Variants in OR2V1 observed in about 807,000 individuals in gnomAD.
The protein encoded by OR2V1 is olfactory receptor 2V1.
A neutral mutation model predicts 15.0 loss-of-function variants in OR2V1; 18 were observed. That is an observed-to-expected ratio of 1.20 (90% CI 0.83 to 1.78). The LOEUF is 1.78. Ranked by LOEUF, OR2V1 falls within the 40% of genes most tolerant of loss-of-function variation. The pLI, the probability that OR2V1 is intolerant of heterozygous loss-of-function variation, is 0.00. For synonymous variants in OR2V1, 144 were observed against 146.1 expected, an observed-to-expected ratio of 0.99 and a Z score of 0.10; for missense variants, 359 against 392.9, an observed-to-expected ratio of 0.91 and a Z score of 0.73.
In OR2V1 at chr5:181,124,628, A is replaced by G. The variant is rs1762847314; in HGVS notation, c.677T>C (p.Val226Ala). 6.2e-7 allele frequency: 1 copy of G among 1,613,874 alleles called. No homozygotes were observed. Among genetic ancestry groups the G allele is most frequent in the Non-Finnish European group, 8.5e-7 (1 of 1,179,966 alleles). ...MASYACILGA[V>A]LRIRSAQAWK... ...GGCCTGAGCAGAGCGTATTCGGAGCACAGCCCCTAGGATGCAAGCATAGGA... is the reference window on the plus strand; with the variant it reads ...GGCCTGAGCAGAGCGTATTCGGAGCGCAGCCCCTAGGATGCAAGCATAGGA... Residue 226 changes from valine to alanine, a missense_variant, in exon 4 of 4, where the codon GTG (valine) becomes GCG (alanine). Val to Ala is a moderately conservative substitution (Grantham distance 64). Transcript: ENST00000641551.
Position 181,130,201 on chromosome 5 carries a change from AC to A in OR2V1, c.-107del, listed in dbSNP as rs1186807298. 1.5e-5 allele frequency: 6 copies of A among 398,610 alleles called. No individual in the cohort carries two copies. The highest frequency in any genetic ancestry group is 2.1e-5 in the African/African-American group (1 of 48,638). The allele number at this position is 398,610 out of a possible 1,614,324, so 24.7% of individuals were successfully genotyped here. The stretch of plus-strand genomic sequence containing the variant: ...TGGGTGGGTCCCTGCAGGGGAACAA[AC>A]TCAGCAGAGTCACCTGTGGAGGAGT... On this transcript the variant is annotated 5_prime_UTR_variant, in exon 2 of 4. Transcript: ENST00000641551.
chr5:181,127,532 G>A (rs1289371033), intron 3 of OR2V1, among the ~76,000 whole-genome samples: 1 of 152,076 alleles, frequency 6.6e-6, no homozygotes, highest in South Asian at 2.1e-4. Flanking sequence ...CTGCTCCACG[G>A]GACACCACGC....
rs1762855516 is a variant in OR2V1 at position 181,125,048 on chromosome 5, A to C, written c.257T>G (p.Phe86Cys). Reference protein sequence around the residue: ...CNIVPKMAANFLSGRKSISFV... With the variant: ...CNIVPKMAANCLSGRKSISFV... ...GGAGATGGACTTCCTGCCAGACAGG[A>C]AGTTGGCTGCCATCTTTGGCACAAT... The change falls in exon 4 of 4, where the codon TTC becomes TGC. Residue 86 changes from phenylalanine (F) to cysteine (C), a missense_variant. Phe to Cys is a radical substitution (Grantham distance 205). Transcript: ENST00000641551. 6.2e-7 allele frequency: 1 copy of C among 1,614,222 alleles called. No individual in the cohort carries two copies. Among genetic ancestry groups the C allele is most frequent in the East Asian group, 2.2e-5 (1 of 44,882 alleles).
intron 2 of OR2V1, among the ~76,000 whole-genome samples, chr5:181,129,833 C>G (rs1270314313): frequency 6.6e-6 from 1 of 152,188 alleles, no homozygotes; most frequent in African/African-American, 2.4e-5. Context: ...CACATCTGTC[C>G]TTGTCTTCCT....
In OR2V1 at chr5:181,124,600, C is replaced by G; in HGVS notation, c.705G>C (p.Trp235Cys). 6.2e-7 allele frequency: 1 copy of G among 1,613,186 alleles called. No homozygotes were observed. Among genetic ancestry groups the G allele is most frequent in the Non-Finnish European group, 8.5e-7 (1 of 1,179,564 alleles). The change falls in exon 4 of 4, where the codon TGG becomes TGC. Residue 235 changes from tryptophan (W) to cysteine (C), a missense_variant. Trp to Cys is a radical substitution (Grantham distance 215). Coordinates refer to ENST00000641551, the MANE Select transcript of OR2V1 (RefSeq NM_001258283.2). ...AGGAGCAGGTGGCCAGGGCTTTTTTCCAGGCCTGAGCAGAGCGTATTCGGA... is the reference window on the plus strand; with the variant it reads ...AGGAGCAGGTGGCCAGGGCTTTTTTGCAGGCCTGAGCAGAGCGTATTCGGA... ...AVLRIRSAQA[W>C]KKALATCSSH...
chr5:181,126,420 C>CCACACACACA (rs10532191), intron 3 of OR2V1, among the ~76,000 whole-genome samples: 73 of 141,038 alleles, frequency 5.2e-4, no homozygotes, highest in African/African-American at 1.6e-3. Context: ...ACATCACACA[C>CCACACACACA]CACACACACA....
intron 3 of OR2V1, among the ~76,000 whole-genome samples, chr5:181,127,164 A>G (rs1038174818): frequency 6.6e-6 from 1 of 152,238 alleles, no homozygotes; most frequent in Non-Finnish European, 1.5e-5. Context: ...ATCCACCAGA[A>G]TGAAAGCATG....
At chr5:181,126,108 C>T (rs775852184) in intron 3 of OR2V1, among the ~76,000 whole-genome samples, 16 of 152,300 alleles carry the variant, frequency 1.1e-4, no homozygotes, top group Non-Finnish European at 1.8e-4. Context: ...TTCCCTAGGT[C>T]CAAACCATCA....
In OR2V1 at chr5:181,124,578, A is replaced by T; in HGVS notation, c.727T>A (p.Ser243Thr). ...QAWKKALATC[S>T]SHLTAVTLFY... ...AGGGTGACAGCTGTTAGGTGGGAGG[A>T]GCAGGTGGCCAGGGCTTTTTTCCAG... Residue 243 changes from serine (S) to threonine (T), a missense_variant, in exon 4 of 4, where the codon TCC (serine) becomes ACC (threonine). Physicochemically the swap from Ser to Thr is moderately conservative, Grantham distance 58 (BLOSUM62 1). Coordinates refer to ENST00000641551, the MANE Select transcript of OR2V1 (RefSeq NM_001258283.2). The T allele has an allele frequency of 6.2e-7, 1 of 1,613,034 alleles. No homozygotes were observed.
intron 3 of OR2V1, among the ~76,000 whole-genome samples, chr5:181,129,043 A>G (rs899981360): frequency 6.6e-6 from 1 of 152,198 alleles, no homozygotes; most frequent in Non-Finnish European, 1.5e-5. Flanking sequence ...CCTGGGCAAC[A>G]TAAACGAGAC....
intron 3 of OR2V1, among the ~76,000 whole-genome samples, chr5:181,127,944 A>G (rs934358783): frequency 1.2e-4 from 18 of 151,138 alleles, no homozygotes; most frequent in African/African-American, 4.1e-4. Flanking sequence ...ACAATACTGC[A>G]TGGTTGACTG....
chr5:181,130,812 C>T (rs1762950846), intron 1 of OR2V1, among the ~76,000 whole-genome samples: 1 of 152,056 alleles, frequency 6.6e-6, no homozygotes, highest in Non-Finnish European at 1.5e-5. Context: ...ATTCTTGGTG[C>T]CCTACATTGC....
At chr5:181,126,834 A>G (rs1413900540) in intron 3 of OR2V1, among the ~76,000 whole-genome samples, 1 of 152,088 alleles carries the variant, frequency 6.6e-6, no homozygotes, top group East Asian at 1.9e-4. Flanking sequence ...GGAAATACAC[A>G]CACACCCCGC....
rs1290975093 is a variant in OR2V1, at chr5:181,124,177, CT to C, written c.*179del. The C allele has an allele frequency of 2.5e-5, 13 of 510,402 alleles. No homozygotes were observed. Among genetic ancestry groups the C allele is most frequent in the Non-Finnish European group, 3.9e-5 (12 of 311,450 alleles). 31.6% of individuals were successfully genotyped at this position (510,402 alleles called of 1,614,324 possible). On this transcript the variant is annotated 3_prime_UTR_variant, in exon 4 of 4. Transcript: ENST00000641551. ...CTCAGAGCACGAGTGTCCTGATTAT[CT>C]TTTTTTCCTTTTTTTTTGGTACAGA...
intron 3 of OR2V1, among the ~76,000 whole-genome samples, chr5:181,126,581 AAC>A (rs1762874239): frequency 6.6e-6 from 1 of 151,898 alleles, no homozygotes; most frequent in South Asian, 2.1e-4. Flanking sequence ...CACATGCAGA[AAC>A]ACATAGATAC....
At position 181,123,273 on chromosome 5, in the gene OR2V1, T is replaced by C. The variant is rs1279605089; in HGVS notation, c.*1084A>G. ...ACCTTTGAGACAGATATCAGTTAAT[T>C]TAGAAAGTTTATTTTGTCAAGGTTG... On this transcript the variant is annotated 3_prime_UTR_variant, in exon 4 of 4. Coordinates refer to ENST00000641551, the MANE Select transcript of OR2V1 (RefSeq NM_001258283.2). 6.6e-6 allele frequency: 1 copy of C among 152,190 alleles called. No homozygotes were observed. The highest frequency in any genetic ancestry group is 1.5e-5 in the Non-Finnish European group (1 of 68,060). The allele number at this position is 152,190 out of a possible 1,614,324, so 9.4% of individuals were successfully genotyped here.
intron 3 of OR2V1, among the ~76,000 whole-genome samples, chr5:181,127,191 C>T (rs929476035): frequency 2.0e-5 from 3 of 152,224 alleles, no homozygotes; most frequent in African/African-American, 2.4e-5. Context: ...TTCACCATGA[C>T]GTTGGCAGCC....
chr5:181,124,140 T>C lies in OR2V1; in HGVS notation c.*217A>G. ...AGCTTTAGATTGACACATTGTGATCTTTACAAAATCCCTCAGAGCACGAGT... is the reference window on the plus strand; with the variant it reads ...AGCTTTAGATTGACACATTGTGATCCTTACAAAATCCCTCAGAGCACGAGT... On this transcript the variant is annotated 3_prime_UTR_variant, in exon 4 of 4. Coordinates refer to ENST00000641551, the MANE Select transcript of OR2V1 (RefSeq NM_001258283.2). The C allele has an allele frequency of 2.4e-6, 1 of 415,992 alleles. No individual in the cohort carries two copies. Among genetic ancestry groups the C allele is most frequent in the South Asian group, 1.1e-4 (1 of 8,866 alleles). 25.8% of individuals were successfully genotyped at this position (415,992 alleles called of 1,614,324 possible).
intron 3 of OR2V1, among the ~76,000 whole-genome samples, chr5:181,126,177 C>A (rs994451220): frequency 1.3e-5 from 2 of 152,122 alleles, no homozygotes; most frequent in Non-Finnish European, 2.9e-5. Context: ...CTTTTCCCAC[C>A]TCCACCAAAA....
Sources: allele counts gnomAD v4.1 joint callset (sites outside exome capture counted in the v4.1 genomes callset), GRCh38; gene constraint gnomAD v4.1.1; transcripts MANE v1.5; gene names NCBI Gene and HGNC (gene_info 2026-07-23, HGNC 2026-07-21).